Variants in G3BP2 observed in about 807,000 individuals in gnomAD.
The protein encoded by G3BP2 is ras GTPase-activating protein-binding protein 2.
G3BP2 carries 11 observed loss-of-function variants against 56.7 expected under a neutral mutation model. That is an observed-to-expected ratio of 0.19 (90% confidence interval 0.12 to 0.32). The LOEUF is 0.32. Among genes scored for constraint, G3BP2 ranks in the 10% least tolerant of loss-of-function variants. The pLI is 1.00. For synonymous variants in G3BP2, 165 were observed against 191.6 expected (o/e 0.86, Z 1.15); for missense variants, 340 against 610.9 (o/e 0.56, Z 4.67).
intron 3 of G3BP2, among the ~76,000 whole-genome samples, chr4:75,702,411 G>A (rs1577890928): frequency 1.3e-5 from 2 of 152,244 alleles, no homozygotes; most frequent in East Asian, 3.9e-4. Flanking sequence ...CCAAAGTGCT[G>A]GGATTACAGG....
intron 2 of G3BP2, among the ~76,000 whole-genome samples, chr4:75,660,612 T>C (rs1277366092): frequency 6.6e-6 from 1 of 152,154 alleles, no homozygotes; most frequent in African/African-American, 2.4e-5. Flanking sequence ...ACAGTAAATA[T>C]AAAAATGCCT....
At chr4:75,666,549 T>C (rs1733050985) in intron 1 of G3BP2, among the ~76,000 whole-genome samples, 4 of 152,204 alleles carry the variant, frequency 2.6e-5, no homozygotes, top group Admixed American at 2.6e-4. Context: ...ATATAATTGA[T>C]AGAAATCAAC....
Position 75,661,886 on chromosome 4 carries a change from G to GA in G3BP2, c.95+44dup, listed in dbSNP as rs745882140. 6.0e-6 allele frequency: 6 copies of GA among 994,252 alleles called. No individual in the cohort carries two copies. The East Asian group carries it at 9.6e-5, about 16-fold the overall frequency. 61.6% of individuals were successfully genotyped at this position (994,252 alleles called of 1,614,324 possible). On this transcript the variant is annotated intron_variant, in intron 2 of 11. Coordinates refer to ENST00000359707, the MANE Select transcript of G3BP2 (RefSeq NM_203505.3). ...GCAAAATATATATAGTCATACCCAA[G>GA]AAAAAAAGTAGATAAAAATACCAAA...
At chr4:75,669,870 A>G (rs1733346663) in intron 1 of G3BP2, among the ~76,000 whole-genome samples, 1 of 152,030 alleles carries the variant, frequency 6.6e-6, no homozygotes, top group South Asian at 2.1e-4. Flanking sequence ...AGATGGGTGG[A>G]TCACCTGAGG....
intron 1 of G3BP2, among the ~76,000 whole-genome samples, chr4:75,723,013 C>T (rs1720238232): frequency 1.3e-5 from 2 of 152,162 alleles, no homozygotes; most frequent in Admixed American, 6.6e-5. Context: ...ATTCAATGTA[C>T]ACCATATACA....
rs186648254 is a variant in G3BP2, at chr4:75,673,235, T to A, written c.-52A>T. ...CCAGCCAACGGCGGCGGCGGGTACG[T>A]CGCGCGGAGGTCAGAAGAGTCGCTG... On this transcript the variant is annotated 5_prime_UTR_variant, in exon 1 of 12. Coordinates refer to ENST00000359707, the MANE Select transcript of G3BP2 (RefSeq NM_203505.3). 5 of 1,216,758 alleles carry A rather than the reference T, an allele frequency of 4.1e-6. No homozygotes were observed. Among genetic ancestry groups the A allele is most frequent in the South Asian group, 4.3e-5 (1 of 23,386 alleles). The allele number at this position is 1,216,758 out of a possible 1,614,324, so 75.4% of individuals were successfully genotyped here. A position where few individuals can be genotyped will look rare whatever the true frequency, so the allele number is the denominator to read the frequency against.
chr4:75,656,484 T>C (rs1324811653), intron 5 of G3BP2, among the ~76,000 whole-genome samples: 1 of 152,058 alleles, frequency 6.6e-6, no homozygotes, highest in Non-Finnish European at 1.5e-5. Context: ...AATAGAGCAA[T>C]AATGATAAAG....
intron 3 of G3BP2, among the ~76,000 whole-genome samples, chr4:75,697,695 A>C (rs1345297810): frequency 6.6e-6 from 1 of 152,146 alleles, no homozygotes; most frequent in Non-Finnish European, 1.5e-5. Context: ...GCACTTTGGG[A>C]GGCTGAGGTG....
intron 3 of G3BP2, among the ~76,000 whole-genome samples, chr4:75,701,695 T>C (rs887579660): frequency 3.9e-5 from 6 of 152,246 alleles, no homozygotes; most frequent in African/African-American, 1.4e-4. Context: ...CCCAAAGTGC[T>C]GGGATTGCAG....
intron 3 of G3BP2, among the ~76,000 whole-genome samples, chr4:75,711,510 TG>T (rs1279139990): frequency 6.6e-6 from 1 of 150,982 alleles, no homozygotes; most frequent in Non-Finnish European, 1.5e-5. Flanking sequence ...GTCAGGAGTT[TG>T]AGACCAGCCT....
intron 3 of G3BP2, among the ~76,000 whole-genome samples, chr4:75,690,666 G>A (rs757440619): frequency 9.9e-5 from 15 of 152,006 alleles, no homozygotes; most frequent in Admixed American, 2.0e-4. Flanking sequence ...CTGCCTCCCG[G>A]GGTCAAATTA....
chr4:75,719,314 C>T (rs939350583), intron 3 of G3BP2, among the ~76,000 whole-genome samples: 2 of 139,684 alleles, frequency 1.4e-5, no homozygotes, highest in African/African-American at 5.5e-5. Flanking sequence ...CGCCACTGCA[C>T]TCCAGCCTGG....
chr4:75,720,034 T>TTTTTTTTTTTTTTA (rs1577909354), intron 3 of G3BP2, among the ~76,000 whole-genome samples: 3 of 146,260 alleles, frequency 2.1e-5, no homozygotes, highest in Admixed American at 6.9e-5. Context: ...TTTTTTTTTT[T>TTTTTTTTTTTTTTA]GAGAAAGGGT....
chr4:75,711,230 A>G (rs1719743686), intron 3 of G3BP2, among the ~76,000 whole-genome samples: 1 of 151,350 alleles, frequency 6.6e-6, no homozygotes, highest in Non-Finnish European at 1.5e-5. Context: ...GAGGTGGGAG[A>G]ATCTCTTGAA....
At chr4:75,661,079 T>C (rs1732511931) in intron 2 of G3BP2, among the ~76,000 whole-genome samples, 1 of 152,282 alleles carries the variant, frequency 6.6e-6, no homozygotes, top group East Asian at 1.9e-4. Flanking sequence ...AAAAAAAAGA[T>C]TTAAGCTGTT....
intron 1 of G3BP2, chr4:75,662,403 G>A (rs903517547): frequency 6.2e-6 from 1 of 161,138 alleles, no homozygotes; most frequent in African/African-American, 2.4e-5. Context: ...TGTATTTTTA[G>A]TAGAGACGGG....
intron 3 of G3BP2, among the ~76,000 whole-genome samples, chr4:75,683,512 C>T (rs781456352): frequency 3.3e-5 from 5 of 151,394 alleles, no homozygotes; most frequent in East Asian, 1.9e-4. Context: ...TGCAGTGAGC[C>T]GAGATTGTGC....
In G3BP2 at chr4:75,644,429, G is replaced by A. The variant is rs1014279253; in HGVS notation, c.*1001C>T. On this transcript the variant is annotated 3_prime_UTR_variant, in exon 12 of 12. Coordinates refer to ENST00000359707, the MANE Select transcript of G3BP2 (RefSeq NM_203505.3). ...AGATACTGCAATTTTTATACATTTC[G>A]ATGATTTTTCAACATTTTGCAGCTG... The A allele has an allele frequency of 2.6e-5, 4 of 152,596 alleles. No individual in the cohort carries two copies. The highest frequency in any genetic ancestry group is 2.1e-4 in the South Asian group (1 of 4,826). 9.5% of individuals were successfully genotyped at this position (152,596 alleles called of 1,614,324 possible). A position where few individuals can be genotyped will look rare whatever the true frequency, so the allele number is the denominator to read the frequency against.
At chr4:75,690,287 G>A (rs577232904) in intron 3 of G3BP2, among the ~76,000 whole-genome samples, 4 of 152,052 alleles carry the variant, frequency 2.6e-5, no homozygotes, top group Non-Finnish European at 4.4e-5. Flanking sequence ...TACAAAAGCC[G>A]GGTGTGGTGG....
Sources: gnomAD v4.1 joint callset for allele counts (sites outside exome capture counted in the v4.1 genomes callset) on GRCh38, gnomAD v4.1.1 for gene constraint, MANE v1.5 for transcripts, NCBI Gene and HGNC (gene_info 2026-07-23, HGNC 2026-07-21) for gene names.